Variants in CHN1 observed in about 807,000 individuals in gnomAD.
CHN1 encodes the protein chimerin 1, also known as N-chimaerin.
A neutral mutation model predicts 59.5 loss-of-function variants in CHN1; 37 were observed. The observed-to-expected ratio is 0.62, with a 90% confidence interval of 0.48 to 0.82. CHN1 has a LOEUF of 0.82. Ranked by LOEUF, CHN1 falls within the 40% of genes least tolerant of loss-of-function variation. CHN1 has a pLI of 0.00. For synonymous variants in CHN1, 206 were observed against 200.4 expected (o/e 1.03, Z -0.24); for missense variants, 469 against 571.0 (o/e 0.82, Z 1.82).
At chr2:174,923,392 G>A (rs548753697) in intron 3 of CHN1, among the ~76,000 whole-genome samples, 6 of 152,218 alleles carry the variant, frequency 3.9e-5, no homozygotes, top group East Asian at 3.9e-4. Flanking sequence ...CACCCACCTC[G>A]GCCTCCCAAA....
At chr2:174,816,382 A>C (rs1685262542) in intron 8 of CHN1, among the ~76,000 whole-genome samples, 1 of 152,204 alleles carries the variant, frequency 6.6e-6, no homozygotes, top group Non-Finnish European at 1.5e-5. Context: ...GCTTGTACCT[A>C]GACTCTGCTG....
At chr2:174,959,830 T>C (rs1266211161) in intron 1 of CHN1, among the ~76,000 whole-genome samples, 1 of 152,100 alleles carries the variant, frequency 6.6e-6, no homozygotes, top group South Asian at 2.1e-4. Flanking sequence ...TAAAAGAAAA[T>C]GAACTTTTAA....
At chr2:174,990,286 A>C (rs1469838134) in intron 1 of CHN1, among the ~76,000 whole-genome samples, 33 of 101,098 alleles carry the variant, frequency 3.3e-4, no homozygotes, top group South Asian at 8.0e-4. Context: ...AGAGAGAGAG[A>C]GCGCGAGCGC....
intron 6 of CHN1, among the ~76,000 whole-genome samples, chr2:174,861,327 G>A (rs1687061995): frequency 6.6e-6 from 1 of 152,172 alleles, no homozygotes; most frequent in Non-Finnish European, 1.5e-5. Flanking sequence ...AGACTATGTG[G>A]TGATGCTGAT....
At chr2:174,874,069 T>C (rs1687486629) in intron 6 of CHN1, among the ~76,000 whole-genome samples, 1 of 152,214 alleles carries the variant, frequency 6.6e-6, no homozygotes, top group African/African-American at 2.4e-5. Flanking sequence ...TATCATTTGT[T>C]TGATAGCTTA....
intron 7 of CHN1, among the ~76,000 whole-genome samples, chr2:174,832,670 G>A (rs1685920412): frequency 6.6e-6 from 1 of 152,080 alleles, no homozygotes; most frequent in South Asian, 2.1e-4. Context: ...TGGAGGATAT[G>A]CTTTGTATGA....
intron 1 of CHN1, among the ~76,000 whole-genome samples, chr2:174,977,449 C>T (rs912939069): frequency 2.0e-5 from 3 of 152,188 alleles, no homozygotes; most frequent in Admixed American, 1.3e-4. Context: ...TAAAAGTTTT[C>T]AACTGTGTTT....
chr2:175,005,264 G>A lies in CHN1; in HGVS notation c.-352C>T, dbSNP rs1167482777. 9 of 1,127,576 alleles carry A rather than the reference G, an allele frequency of 8.0e-6. No individual in the cohort carries two copies. The highest frequency in any genetic ancestry group is 5.5e-6 in the Non-Finnish European group (5 of 917,038). The allele number at this position is 1,127,576 out of a possible 1,614,324, so 69.8% of individuals were successfully genotyped here. ...GCTGGCGGAGAGGCGGCGCCGCACT[G>A]GCGGCGGCGGCGGCGGCGACGGGGA... On this transcript the variant is annotated 5_prime_UTR_variant, in exon 1 of 13. An upstream open reading frame in the 5' UTR gains an earlier in-frame stop. Coordinates refer to ENST00000409900, the MANE Select transcript of CHN1 (RefSeq NM_001822.7).
In CHN1 at chr2:174,973,659, T is replaced by A. The variant is rs374148201; in HGVS notation, c.20-21457A>T. 2.2e-4 allele frequency among the ~76,000 whole-genome samples: 34 copies of A among 152,294 alleles called. No homozygotes were observed. In the East Asian group the frequency reaches 3.5e-3, roughly 16 times the overall value. On this transcript the variant is annotated intron_variant, in intron 1 of 12. Transcript: ENST00000409900. Reference sequence around the variant, plus strand: ...TTGATGTGAGTTTCAGGACTGACGATGTGGACCCACCCCACTTTGTGCTGC... The same window carrying A: ...TTGATGTGAGTTTCAGGACTGACGAAGTGGACCCACCCCACTTTGTGCTGC...
At position 174,952,164 on chromosome 2, in the gene CHN1, A is replaced by G. The variant is rs1690043154; in HGVS notation, c.58T>C (p.Leu20=). 2 of 1,444,130 alleles carry G rather than the reference A, an allele frequency of 1.4e-6. No individual in the cohort carries two copies. Among genetic ancestry groups the G allele is most frequent in the African/African-American group, 3.0e-5 (2 of 67,058 alleles). The allele number at this position is 1,444,130 out of a possible 1,614,324, so 89.5% of individuals were successfully genotyped here. Residue 20 remains leucine, a splice_region_variant and synonymous_variant, in exon 2 of 13, where the codon TTA becomes CTA. Coordinates refer to ENST00000409900, the MANE Select transcript of CHN1 (RefSeq NM_001822.7). ...CCCACACAATTATTTGTAGACTTAC[A>G]GTAAGATTTCCAAACAGGAGGTCTA... ...EYRPPVWKSY[L]YQLQQEAPHP... is the part of the protein sequence containing the mutation.
rs1685059207 is a variant in CHN1 at position 174,811,132 on chromosome 2, C to T, written c.964+379G>A. The T allele has an allele frequency of 1.9e-5, 3 of 155,236 alleles. No homozygotes were observed. The Admixed American group carries it at 2.0e-4, about 10-fold the overall frequency. The allele number at this position is 155,236 out of a possible 1,614,324, so 9.6% of individuals were successfully genotyped here. ...GATGGTGATGAGGATGCCAGCGGGG[C>T]ATGGATGACAGGCAGGGTAAGGTGG... On this transcript the variant is annotated intron_variant, in intron 10 of 12. Coordinates refer to ENST00000409900, the MANE Select transcript of CHN1 (RefSeq NM_001822.7).
In CHN1 at chr2:174,878,082, G is replaced by C; in HGVS notation, c.307C>G (p.His103Asp). ...TCAAAGCGTTTCTCCCCAACAAAGT[G>C]CTTGCCATCGTAGTAGAGCCTGAAG... ...RNFRLYYDGK[H>D]FVGEKRFESI... The change falls in exon 6 of 13, where the codon CAC becomes GAC. Residue 103 changes from histidine to aspartate, a missense_variant. This residue lies in a region of CHN1 where 152 missense variants were observed against 166.1 expected (regional missense o/e 0.92). Coordinates refer to ENST00000409900, the MANE Select transcript of CHN1 (RefSeq NM_001822.7). 6.2e-7 allele frequency: 1 copy of C among 1,609,614 alleles called. No homozygotes were observed. The highest frequency in any genetic ancestry group is 8.5e-7 in the Non-Finnish European group (1 of 1,177,120).
intron 5 of CHN1, among the ~76,000 whole-genome samples, chr2:174,879,019 G>C (rs537950702): frequency 6.2e-4 from 94 of 152,282 alleles, no homozygotes; most frequent in African/African-American, 1.9e-3. Flanking sequence ...GATGTCAAAA[G>C]GCAACAAGGC....
chr2:174,839,048 A>G (rs1359279599), intron 7 of CHN1, among the ~76,000 whole-genome samples: 1 of 151,886 alleles, frequency 6.6e-6, no homozygotes, highest in Admixed American at 6.6e-5. Context: ...AGAAGTGACA[A>G]TTATTTCATT....
intron 7 of CHN1, chr2:174,846,272 A>G (rs1686510751): frequency 6.5e-7 from 1 of 1,528,720 alleles, no homozygotes; most frequent in Admixed American, 2.1e-5. Context: ...TACAGTTGAT[A>G]AACCACATTA....
intron 2 of CHN1, among the ~76,000 whole-genome samples, chr2:174,948,234 A>G (rs1689903459): frequency 6.6e-6 from 1 of 152,184 alleles, no homozygotes; most frequent in Non-Finnish European, 1.5e-5. Context: ...AACAAAAGCA[A>G]AAGAGAATTC....
chr2:174,971,531 C>T (rs974786455), intron 1 of CHN1, among the ~76,000 whole-genome samples: 1 of 152,118 alleles, frequency 6.6e-6, no homozygotes, highest in Admixed American at 6.5e-5. Context: ...AACCACTGGC[C>T]TAAAACAATA....
At chr2:174,813,003 G>A (rs1031687870) in intron 8 of CHN1, among the ~76,000 whole-genome samples, 2 of 152,066 alleles carry the variant, frequency 1.3e-5, no homozygotes, top group African/African-American at 4.8e-5. Flanking sequence ...TCTAGTAGCT[G>A]GAAATAGCTG....
chr2:174,818,427 C>T (rs530529766), intron 8 of CHN1, among the ~76,000 whole-genome samples: 36 of 152,174 alleles, frequency 2.4e-4, no homozygotes, highest in African/African-American at 4.3e-4. Flanking sequence ...CAGGGACTAA[C>T]GGTATATCAA....
Sources: gnomAD v4.1 joint callset for allele counts (sites outside exome capture counted in the v4.1 genomes callset) on GRCh38, gnomAD v4.1.1 for gene constraint, gnomAD v4.1.1 regional missense constraint, MANE v1.5 for transcripts, NCBI Gene and HGNC (gene_info 2026-07-23, HGNC 2026-07-21) for gene names.